The following MLLT3 variants were observed in gnomAD, a reference collection of about 807,000 sequenced individuals.
MLLT3 encodes MLLT3 super elongation complex subunit.
Under a neutral mutation model 53.2 loss-of-function variants are expected in MLLT3, and 4 were observed. The observed-to-expected ratio is 0.08, with a 90% CI of 0.04 to 0.17. MLLT3 has a LOEUF of 0.17. Ranked by LOEUF, MLLT3 falls within the 10% of genes least tolerant of loss-of-function variation. The pLI, the probability that MLLT3 is intolerant of heterozygous loss-of-function variation, is 1.00. For synonymous variants in MLLT3, 283 were observed against 230.6 expected, an observed-to-expected ratio of 1.23 and a Z score of -2.06; for missense variants, 569 against 684.0, an observed-to-expected ratio of 0.83 and a Z score of 1.87.
chr9:20,513,541 G>C (rs1359441662), intron 2 of MLLT3, among the ~76,000 whole-genome samples: 1 of 152,208 alleles, frequency 6.6e-6, no homozygotes, highest in Non-Finnish European at 1.5e-5. Context: ...AACCAAGCAG[G>C]TTTCCTGTGG....
rs190657373 is a variant in MLLT3 at position 20,501,584 on chromosome 9, T to C, written c.194-44798A>G. 4.8e-3 allele frequency among the ~76,000 whole-genome samples: 722 copies of C among 151,330 alleles called. 11 individuals are homozygous for C. The highest frequency in any genetic ancestry group is 0.015 in the African/African-American group (613 of 41,222). On this transcript the variant is annotated intron_variant, in intron 2 of 10. Coordinates refer to ENST00000380338, the MANE Select transcript of MLLT3 (RefSeq NM_004529.4). ...GGCTAACAAGGTGAAACCCCGTCTC[T>C]ACTAAAAATACAAAAAATTAGCCGG...
chr9:20,607,609 C>G (rs1162174915), intron 2 of MLLT3, among the ~76,000 whole-genome samples: 1 of 152,018 alleles, frequency 6.6e-6, no homozygotes, highest in African/African-American at 2.4e-5. Context: ...CACAAACATT[C>G]TAAGGTAGAG....
At chr9:20,581,802 T>G (rs1324517467) in intron 2 of MLLT3, among the ~76,000 whole-genome samples, 2 of 152,148 alleles carry the variant, frequency 1.3e-5, no homozygotes, top group Admixed American at 6.5e-5. Context: ...GGAATACCAT[T>G]ACCTCTGGCT....
chr9:20,405,124 TA>T (rs1249247362), intron 5 of MLLT3, among the ~76,000 whole-genome samples: 6 of 152,154 alleles, frequency 3.9e-5, no homozygotes, highest in Non-Finnish European at 7.3e-5. Flanking sequence ...TGAAACAACC[TA>T]ATAACATTAG....
chr9:20,456,608 T>A (rs546359157), intron 3 of MLLT3, 96 bp downstream of exon 3: 1 of 849,666 alleles, frequency 1.2e-6, no homozygotes, highest in Non-Finnish European at 1.9e-6. Context: ...TAAAATCATC[T>A]AGTGACAGAA....
At chr9:20,566,052 ATT>A (rs1286364280) in intron 2 of MLLT3, among the ~76,000 whole-genome samples, 1 of 108,280 alleles carries the variant, frequency 9.2e-6, no homozygotes, top group African/African-American at 3.1e-5. Flanking sequence ...TTATATATAT[ATT>A]TATATATATA....
At chr9:20,597,863 C>A (rs775229759) in intron 2 of MLLT3, among the ~76,000 whole-genome samples, 1 of 152,202 alleles carries the variant, frequency 6.6e-6, no homozygotes, top group African/African-American at 2.4e-5. Context: ...TATTTTTTAA[C>A]TAAAACAATT....
intron 2 of MLLT3, among the ~76,000 whole-genome samples, chr9:20,545,585 A>G (rs750353339): frequency 8.5e-5 from 13 of 152,188 alleles, no homozygotes; most frequent in Non-Finnish European, 1.8e-4. Context: ...TTGCCACAAT[A>G]AAAACAATTA....
intron 2 of MLLT3, among the ~76,000 whole-genome samples, chr9:20,610,905 G>A (rs767372226): frequency 6.6e-6 from 1 of 151,952 alleles, no homozygotes. Context: ...TTCAAATAAC[G>A]TGTTCCACTC....
chr9:20,456,828 G>A lies in MLLT3; in HGVS notation c.194-42C>T, dbSNP rs373564699. ...GAAAATAGGTAAGATGAGAATAATA[G>A]ACAAAAAGACATTCTTCTTTTAAAA... On this transcript the variant is annotated intron_variant, in intron 2 of 10. Transcript: ENST00000380338. 6 of 1,327,372 alleles carry A rather than the reference G, an allele frequency of 4.5e-6. No homozygotes were observed. The African/African-American group carries it at 6.1e-5, about 14-fold the overall frequency. The allele number at this position is 1,327,372 out of a possible 1,614,324, so 82.2% of individuals were successfully genotyped here.
chr9:20,587,407 T>C (rs1428379614), intron 2 of MLLT3, among the ~76,000 whole-genome samples: 1 of 152,122 alleles, frequency 6.6e-6, no homozygotes, highest in Non-Finnish European at 1.5e-5. Context: ...ACGGAAACTT[T>C]TTCACTGCAT....
intron 2 of MLLT3, among the ~76,000 whole-genome samples, chr9:20,480,366 C>T (rs1236871680): frequency 2.0e-5 from 3 of 152,110 alleles, no homozygotes; most frequent in Admixed American, 2.0e-4. Context: ...CTGCCTTATT[C>T]GTGGCTTCTT....
At chr9:20,476,798 T>C (rs1008254442) in intron 2 of MLLT3, among the ~76,000 whole-genome samples, 5 of 152,180 alleles carry the variant, frequency 3.3e-5, no homozygotes, top group African/African-American at 7.2e-5. Flanking sequence ...GAATTCTCAA[T>C]ATTAAATAGA....
Position 20,481,349 on chromosome 9 carries a change from C to T in MLLT3, c.194-24563G>A, listed in dbSNP as rs1824657239. Among the ~76,000 whole-genome samples, 4 of 152,156 alleles carry T rather than the reference C, an allele frequency of 2.6e-5. No homozygotes were observed. The South Asian group carries it at 8.3e-4, about 32-fold the overall frequency. On this transcript the variant is annotated intron_variant, in intron 2 of 10. Coordinates refer to ENST00000380338, the MANE Select transcript of MLLT3 (RefSeq NM_004529.4). ...ACAGGAGCAAACATTTTCCTATTTT[C>T]CTCAGGAACCTGAAGGACCTCAGAC...
At chr9:20,510,797 A>C (rs887738338) in intron 2 of MLLT3, among the ~76,000 whole-genome samples, 1 of 152,066 alleles carries the variant, frequency 6.6e-6, no homozygotes, top group African/African-American at 2.4e-5. Flanking sequence ...TAAATTATAC[A>C]TCCTTTAGTC....
chr9:20,429,386 T>C (rs538742109), intron 4 of MLLT3, among the ~76,000 whole-genome samples: 1 of 151,722 alleles, frequency 6.6e-6, no homozygotes, highest in Admixed American at 6.6e-5. Flanking sequence ...CTAATAATAA[T>C]AGAGAAAAGG....
chr9:20,513,585 C>A (rs1017965009), intron 2 of MLLT3, among the ~76,000 whole-genome samples: 2 of 152,194 alleles, frequency 1.3e-5, no homozygotes, highest in Non-Finnish European at 2.9e-5. Context: ...AGCAAGCAGG[C>A]AAAAGTTCTG....
chr9:20,343,593 G>A lies in MLLT3; in HGVS notation c.*2850C>T. Reference sequence around the variant, plus strand: ...AAGCTAAGTTATAAGGGGGCAGAGGGGCAGGAGCTCTGTACATATATTTTT... The same window carrying A: ...AAGCTAAGTTATAAGGGGGCAGAGGAGCAGGAGCTCTGTACATATATTTTT... On this transcript the variant is annotated 3_prime_UTR_variant, in exon 11 of 11. Transcript: ENST00000380338. 1 of 229,852 alleles carries A rather than the reference G, an allele frequency of 4.4e-6. No homozygotes were observed. The highest frequency in any genetic ancestry group is 8.6e-6 in the Non-Finnish European group (1 of 115,928). 14.2% of individuals were successfully genotyped at this position (229,852 alleles called of 1,614,324 possible). A position where few individuals can be genotyped will look rare whatever the true frequency, so the allele number is the denominator to read the frequency against.
intron 2 of MLLT3, among the ~76,000 whole-genome samples, chr9:20,576,424 T>C (rs1257939374): frequency 6.6e-6 from 1 of 152,246 alleles, no homozygotes; most frequent in Non-Finnish European, 1.5e-5. Context: ...GATCTAGGTT[T>C]TGGCCATCTT....
Sources: allele counts gnomAD v4.1 joint callset (sites outside exome capture counted in the v4.1 genomes callset), GRCh38; gene constraint gnomAD v4.1.1; transcripts MANE v1.5; gene names NCBI Gene and HGNC (gene_info 2026-07-23, HGNC 2026-07-21).